The following MIER1 variants were observed in gnomAD, a reference collection of about 807,000 sequenced individuals.
The protein encoded by MIER1 is mesoderm induction early response protein 1.
A neutral mutation model predicts 75.7 loss-of-function variants in MIER1; 40 were observed. The ratio of observed to expected loss-of-function variants is 0.53; its 90% CI spans 0.41 to 0.69. MIER1 has a LOEUF of 0.69. Ranked by LOEUF, MIER1 falls within the 30% of genes least tolerant of loss-of-function variation. The pLI, the probability that MIER1 is intolerant of heterozygous loss-of-function variation, is 0.00. For missense variants in MIER1, 574 were observed against 680.2 expected (o/e 0.84, Z 1.74); for synonymous variants, 213 against 223.4 (o/e 0.95, Z 0.42).
chr1:66,957,239 T>C (rs1660317361), intron 4 of MIER1, among the ~76,000 whole-genome samples: 4 of 152,230 alleles, frequency 2.6e-5, no homozygotes, highest in Admixed American at 2.6e-4. Context: ...TTTCATTTCA[T>C]TGTGTATGGA....
intron 2 of MIER1, among the ~76,000 whole-genome samples, chr1:66,936,776 G>A (rs1029086217): frequency 2.0e-5 from 3 of 151,616 alleles, no homozygotes; most frequent in Admixed American, 1.3e-4. Context: ...TGAGGCGGAC[G>A]GATCACGAGG....
At position 66,945,293 on chromosome 1, in the gene MIER1, ATATATATATATATATATATATAT is replaced by A. The variant is rs1558041942; in HGVS notation, c.194-856_194-834del. 6.2e-4 allele frequency among the ~76,000 whole-genome samples: 8 copies of A among 12,870 alleles called. No individual in the cohort carries two copies. The East Asian group carries it at 0.017, about 27-fold the overall frequency. The allele number at this position is 12,870 out of a possible 152,430, so 8.4% of individuals were successfully genotyped here. ...TATATATATATATATATATATATAT[ATATATATATATATATATATATAT>A]AAAATACCTAATATAGGTAAATGCT... On this transcript the variant is annotated intron_variant, in intron 3 of 13. Coordinates refer to ENST00000401041, the MANE Select transcript of MIER1 (RefSeq NM_001077700.3).
At chr1:66,928,124 A>G (rs1009970910) in intron 2 of MIER1, among the ~76,000 whole-genome samples, 1 of 152,108 alleles carries the variant, frequency 6.6e-6, no homozygotes, top group African/African-American at 2.4e-5. Flanking sequence ...CCACATTTAT[A>G]AAAAGGGGAA....
At position 66,984,760 on chromosome 1, in the gene MIER1, G is replaced by T. The variant is rs1260787560; in HGVS notation, c.1558G>T (p.Asp520Tyr). 6.2e-7 allele frequency: 1 copy of T among 1,613,980 alleles called. No homozygotes were observed. Among genetic ancestry groups the T allele is most frequent in the South Asian group, 1.1e-5 (1 of 91,066 alleles). Residue 520 changes from aspartate to tyrosine, a missense_variant, in exon 14 of 14, where the codon GAT becomes TAT. This residue lies in a region of MIER1 where 164 missense variants were observed against 154.3 expected (regional missense o/e 1.06). Transcript: ENST00000401041. ...LAHMTARNEN[D>Y]FDEKSERPAK... ...CCATATGACTGCAAGAAATGAAAAT[G>T]ATTTTGATGAAAAAAGTGAGAGACC...
At position 66,959,728 on chromosome 1, in the gene MIER1, A is replaced by G; in HGVS notation, c.684A>G (p.Ser228=). Residue 228 remains serine, a synonymous_variant, in exon 7 of 14, where the codon TCA becomes TCG. Coordinates refer to ENST00000401041, the MANE Select transcript of MIER1 (RefSeq NM_001077700.3). The stretch of plus-strand genomic sequence containing the variant: ...AAGAAGATGAAGATTATATTCCATC[A>G]GAAGACTGGAAAAAGGTAGTTAGAA... ...ESEEDEDYIP[S]EDWKKEIMVG... is the part of the protein sequence containing the mutation. The G allele has an allele frequency of 7.0e-7, 1 of 1,424,068 alleles. No homozygotes were observed. The highest frequency in any genetic ancestry group is 9.4e-7 in the Non-Finnish European group (1 of 1,064,402). 88.2% of individuals were successfully genotyped at this position (1,424,068 alleles called of 1,614,324 possible).
chr1:66,950,553 A>G (rs980218920), intron 4 of MIER1, among the ~76,000 whole-genome samples: 1 of 152,210 alleles, frequency 6.6e-6, no homozygotes, highest in African/African-American at 2.4e-5. Context: ...CAATATATTT[A>G]TGTATTTAGA....
Position 66,985,219 on chromosome 1 carries a change from T to C in MIER1, c.*319T>C. The C allele has an allele frequency of 1.0e-6, 1 of 970,256 alleles. No homozygotes were observed. The highest frequency in any genetic ancestry group is 1.2e-6 in the Non-Finnish European group (1 of 812,848). The allele number at this position is 970,256 out of a possible 1,614,324, so 60.1% of individuals were successfully genotyped here. A position where few individuals can be genotyped will look rare whatever the true frequency, so the allele number is the denominator to read the frequency against. ...AATCTGAATGAACTAAAGATGTATC[T>C]GTACCTTCTCATTTGATGTATTAAT... On this transcript the variant is annotated 3_prime_UTR_variant, in exon 14 of 14. Coordinates refer to ENST00000401041, the MANE Select transcript of MIER1 (RefSeq NM_001077700.3).
intron 4 of MIER1, among the ~76,000 whole-genome samples, chr1:66,956,618 T>C (rs17097312): frequency 0.11 from 17,425 of 152,170 alleles, 2,421 homozygotes; most frequent in African/African-American, 0.34. Context: ...GTAAGAGCTG[T>C]CATTTGTTTG....
intron 2 of MIER1, chr1:66,930,177 T>A: frequency 7.7e-7 from 1 of 1,306,494 alleles, no homozygotes; most frequent in Non-Finnish European, 9.8e-7. Context: ...GCTGGTCTTT[T>A]CCCTCCAGTC....
At chr1:66,934,608 G>A (rs998210693) in intron 2 of MIER1, among the ~76,000 whole-genome samples, 2 of 144,406 alleles carry the variant, frequency 1.4e-5, no homozygotes, top group African/African-American at 2.6e-5. Context: ...GTCTCGATAT[G>A]TTGATCAGAC....
chr1:66,930,293 C>T (rs1398299742), intron 2 of MIER1: 15 of 1,554,976 alleles, frequency 9.6e-6, no homozygotes, highest in East Asian at 2.5e-5. Flanking sequence ...GCGGCAGAGA[C>T]GGCAGCGGCC....
At chr1:66,955,114 T>TAA (rs1659825929) in intron 4 of MIER1, among the ~76,000 whole-genome samples, 1 of 152,304 alleles carries the variant, frequency 6.6e-6, no homozygotes, top group East Asian at 1.9e-4. Flanking sequence ...TGATAATGGT[T>TAA]AAAAAAGAAA....
Position 66,976,627 on chromosome 1 carries a change from A to G in MIER1, c.1134A>G (p.Ala378=), listed in dbSNP as rs759953524. 4.4e-6 allele frequency: 7 copies of G among 1,606,098 alleles called. No homozygotes were observed. The highest frequency in any genetic ancestry group is 5.1e-6 in the Non-Finnish European group (6 of 1,176,934). Residue 378 remains alanine (A), a synonymous_variant, in exon 12 of 14, where the codon GCA becomes GCG. Transcript: ENST00000401041. ...CAAGGTCAGTTGGTGAATGTGTAGC[A>G]TTCTATTACATGTGGAAAAAATCTG... The part of the protein sequence containing the change: ...VRTRSVGECV[A]FYYMWKKSER...
At chr1:66,962,019 AC>A (rs1661346373) in intron 7 of MIER1, among the ~76,000 whole-genome samples, 1 of 152,248 alleles carries the variant, frequency 6.6e-6, no homozygotes, top group Non-Finnish European at 1.5e-5. Flanking sequence ...CCTAAGAGTT[AC>A]CAAAACTTCT....
At chr1:66,980,062 C>T (rs1665579342) in intron 12 of MIER1, among the ~76,000 whole-genome samples, 1 of 152,238 alleles carries the variant, frequency 6.6e-6, no homozygotes, top group Admixed American at 6.5e-5. Flanking sequence ...CCACACCCGG[C>T]CTTGCTTTGG....
chr1:66,985,773 T>A lies in MIER1; in HGVS notation c.*873T>A. 1.1e-6 allele frequency: 1 copy of A among 948,576 alleles called. No homozygotes were observed. Among genetic ancestry groups the A allele is most frequent in the Non-Finnish European group, 1.3e-6 (1 of 796,776 alleles). 58.8% of individuals were successfully genotyped at this position (948,576 alleles called of 1,614,324 possible). ...TGTTTGTGTAGTAATTAAGTCATATTTCTTATCCAGGTGGTTAAAGCATTC... is the reference window on the plus strand; with the variant it reads ...TGTTTGTGTAGTAATTAAGTCATATATCTTATCCAGGTGGTTAAAGCATTC... On this transcript the variant is annotated 3_prime_UTR_variant, in exon 14 of 14. Transcript: ENST00000401041.
Position 66,984,951 on chromosome 1 carries a change from T to C in MIER1, c.*51T>C. 2.6e-6 allele frequency: 4 copies of C among 1,516,168 alleles called. No homozygotes were observed. The highest frequency in any genetic ancestry group is 3.5e-6 in the Non-Finnish European group (4 of 1,137,188). 93.9% of individuals were successfully genotyped at this position (1,516,168 alleles called of 1,614,324 possible). ...GGAGTAAATTCTGGTGTGACTAAAA[T>C]TTTCAGGGTTGATGGGTTACCTTAA... On this transcript the variant is annotated 3_prime_UTR_variant, in exon 14 of 14. Coordinates refer to ENST00000401041, the MANE Select transcript of MIER1 (RefSeq NM_001077700.3).
chr1:66,981,877 C>CTT lies in MIER1; in HGVS notation c.1329_1330insTT (p.Glu444LeufsTer8). The CTT allele has an allele frequency of 6.2e-7, 1 of 1,614,052 alleles. No individual in the cohort carries two copies. The highest frequency in any genetic ancestry group is 8.5e-7 in the Non-Finnish European group (1 of 1,179,922). On this transcript the variant is annotated frameshift_variant, in exon 13 of 14. Coordinates refer to ENST00000401041, the MANE Select transcript of MIER1 (RefSeq NM_001077700.3). LOFTEE classifies it high-confidence loss of function. ...GCATCAAACAGTAGTAACAGCCAGTCTGAGAAAGAAGATGGCACTGTAAGC... is the reference window on the plus strand; with the variant it reads ...GCATCAAACAGTAGTAACAGCCAGTCTTTGAGAAAGAAGATGGCACTGTAAGC...
chr1:66,978,237 C>T (rs1029855159), intron 12 of MIER1, among the ~76,000 whole-genome samples: 2 of 150,970 alleles, frequency 1.3e-5, no homozygotes, highest in Admixed American at 1.3e-4. Context: ...TTTATTTGAT[C>T]TTGCTCTTCA....
Sources: allele counts gnomAD v4.1 joint callset (sites outside exome capture counted in the v4.1 genomes callset), GRCh38; gene constraint gnomAD v4.1.1; regional missense constraint gnomAD v4.1.1; transcripts MANE v1.5; gene names NCBI Gene and HGNC (gene_info 2026-07-23, HGNC 2026-07-21).